Variants in KCNAB1 observed in about 807,000 individuals in gnomAD.
The protein encoded by KCNAB1 is voltage-gated potassium channel subunit beta-1.
Under a neutral mutation model 64.6 loss-of-function variants are expected in KCNAB1, and 35 were observed. The observed-to-expected ratio is 0.54, with a 90% CI of 0.41 to 0.72. KCNAB1 has a LOEUF of 0.72. KCNAB1 is among the 30% of genes least tolerant of loss of function. KCNAB1 has a pLI of 0.00. For missense variants in KCNAB1, 401 were observed against 512.9 expected, an observed-to-expected ratio of 0.78 and a Z score of 2.11; for synonymous variants, 177 against 183.8, an observed-to-expected ratio of 0.96 and a Z score of 0.30.
At chr3:156,221,096 A>T (rs2108413701) in intron 1 of KCNAB1, among the ~76,000 whole-genome samples, 1 of 152,328 alleles carries the variant, frequency 6.6e-6, no homozygotes, top group South Asian at 2.1e-4. Context: ...TGGTACCAGT[A>T]CCATGCTGTT....
intron 1 of KCNAB1, among the ~76,000 whole-genome samples, chr3:156,136,490 G>A (rs888200804): frequency 1.2e-4 from 19 of 152,306 alleles, no homozygotes; most frequent in African/African-American, 4.6e-4. Flanking sequence ...AGAAGAAGGT[G>A]ATCTCAGCAC....
rs376121732 is a variant in KCNAB1, at chr3:156,363,815, G to A, written c.276-57801G>A. Among the ~76,000 whole-genome samples, 3 of 152,112 alleles carry A rather than the reference G, an allele frequency of 2.0e-5. No individual in the cohort carries two copies. In the East Asian group the frequency reaches 5.8e-4, roughly 29 times the overall value. On this transcript the variant is annotated intron_variant, in intron 1 of 13. Transcript: ENST00000490337. ...TATTATAGTTAGGGATGTTTACAAG[G>A]CGACTACATAAAATGGTGCAGAATC... is the stretch of plus-strand genomic sequence containing the variant.
chr3:156,442,865 T>G (rs771483649), intron 2 of KCNAB1, among the ~76,000 whole-genome samples: 1 of 152,184 alleles, frequency 6.6e-6, no homozygotes, highest in Non-Finnish European at 1.5e-5. Context: ...GATGGCTCTG[T>G]GCATGAGGTT....
At chr3:156,470,411 T>A (rs1713798458) in intron 7 of KCNAB1, among the ~76,000 whole-genome samples, 1 of 152,168 alleles carries the variant, frequency 6.6e-6, no homozygotes, top group African/African-American at 2.4e-5. Flanking sequence ...ATCCCAACGA[T>A]TTGGGAGGCT....
chr3:156,408,782 TAAAA>T lies in KCNAB1; in HGVS notation c.276-12826_276-12823del, dbSNP rs1348308004. 2.1e-5 allele frequency among the ~76,000 whole-genome samples: 3 copies of T among 141,100 alleles called. No individual in the cohort carries two copies. In the South Asian group the frequency reaches 6.7e-4, roughly 31 times the overall value. The allele number at this position is 141,100 out of a possible 152,430, so 92.6% of individuals were successfully genotyped here. On this transcript the variant is annotated intron_variant, in intron 1 of 13. Coordinates refer to ENST00000490337, the MANE Select transcript of KCNAB1 (RefSeq NM_172160.3). ...GTGACAGAGTGAGACTCCATCTCCA[TAAAA>T]AAAAAAATAAAATAAAATAAATAAC... is the stretch of plus-strand genomic sequence containing the variant.
chr3:156,449,772 G>A (rs1390217696), intron 2 of KCNAB1, among the ~76,000 whole-genome samples: 1 of 152,118 alleles, frequency 6.6e-6, no homozygotes, highest in Non-Finnish European at 1.5e-5. Flanking sequence ...CTTTACAAAT[G>A]AATTTCCCAA....
chr3:156,122,064 A>T (rs1463268202), intron 1 of KCNAB1, among the ~76,000 whole-genome samples: 3 of 152,230 alleles, frequency 2.0e-5, no homozygotes, highest in Non-Finnish European at 4.4e-5. Context: ...AGCACAAAAT[A>T]AAGCTTCTGG....
chr3:156,403,338 G>A (rs1359144736), intron 1 of KCNAB1, among the ~76,000 whole-genome samples: 7 of 152,174 alleles, frequency 4.6e-5, no homozygotes, highest in African/African-American at 1.4e-4. Flanking sequence ...AAGGACCTGA[G>A]GAACAAGCAC....
At chr3:156,205,812 C>T (rs911135639) in intron 1 of KCNAB1, among the ~76,000 whole-genome samples, 1 of 152,134 alleles carries the variant, frequency 6.6e-6, no homozygotes, top group Non-Finnish European at 1.5e-5. Context: ...TGCTTTAATG[C>T]CTTTAAGGAT....
At chr3:156,379,190 T>G (rs774301437) in intron 1 of KCNAB1, among the ~76,000 whole-genome samples, 39 of 152,220 alleles carry the variant, frequency 2.6e-4, no homozygotes, top group Non-Finnish European at 4.0e-4. Context: ...CCTGTCTGTT[T>G]CTGAGCTTGG....
At chr3:156,410,952 G>A (rs1459058562) in intron 1 of KCNAB1, among the ~76,000 whole-genome samples, 1 of 152,090 alleles carries the variant, frequency 6.6e-6, no homozygotes, top group African/African-American at 2.4e-5. Context: ...ATTCACTTTG[G>A]TAAATACTTA....
chr3:156,176,273 T>A, intron 1 of KCNAB1: 2 of 956,902 alleles, frequency 2.1e-6, no homozygotes, highest in South Asian at 2.6e-5. Context: ...CAGACCTTGA[T>A]ATCATTGTCT....
At chr3:156,381,186 T>C (rs761710441) in intron 1 of KCNAB1, among the ~76,000 whole-genome samples, 2 of 152,028 alleles carry the variant, frequency 1.3e-5, no homozygotes, top group Non-Finnish European at 2.9e-5. Context: ...TGAAGGAGTA[T>C]GGAGTATTTA....
intron 1 of KCNAB1, among the ~76,000 whole-genome samples, chr3:156,353,584 T>C (rs935200986): frequency 2.0e-5 from 3 of 152,222 alleles, no homozygotes; most frequent in African/African-American, 7.2e-5. Flanking sequence ...AAGGCCATAC[T>C]TAAGGTGTTG....
intron 1 of KCNAB1, among the ~76,000 whole-genome samples, chr3:156,158,152 G>T (rs541593474): frequency 7.9e-6 from 1 of 126,784 alleles, no homozygotes. Context: ...GTGACAGAGC[G>T]AAACTCTGTC....
chr3:156,227,957 A>T (rs1716287386), intron 1 of KCNAB1: 1 of 152,252 alleles, frequency 6.6e-6, no homozygotes, highest in Admixed American at 6.5e-5. Flanking sequence ...TTATCTGCAC[A>T]TTTAGCAGTG....
intron 8 of KCNAB1, among the ~76,000 whole-genome samples, chr3:156,500,315 G>A (rs992581404): frequency 1.3e-5 from 2 of 152,202 alleles, no homozygotes; most frequent in Admixed American, 6.5e-5. Flanking sequence ...TCAGTGATTT[G>A]TGGGAACAAT....
At chr3:156,532,027 C>T (rs1039920177) in intron 13 of KCNAB1, among the ~76,000 whole-genome samples, 1 of 152,156 alleles carries the variant, frequency 6.6e-6, no homozygotes, top group African/African-American at 2.4e-5. Context: ...TTTCCAGTTC[C>T]TAGGGTACTT....
chr3:156,148,864 T>C (rs1253651987), intron 1 of KCNAB1, among the ~76,000 whole-genome samples: 1 of 152,162 alleles, frequency 6.6e-6, no homozygotes, highest in Admixed American at 6.5e-5. Context: ...TCTTTCTTTT[T>C]TTTTTTTGCT....
Sources: allele counts gnomAD v4.1 joint callset (sites outside exome capture counted in the v4.1 genomes callset), GRCh38; gene constraint gnomAD v4.1.1; transcripts MANE v1.5; gene names NCBI Gene and HGNC (gene_info 2026-07-23, HGNC 2026-07-21).